Variants in LRRC51 observed in about 807,000 individuals in gnomAD.
LRRC51 encodes the protein leucine rich repeat containing 51.
A neutral mutation model predicts 17.8 loss-of-function variants in LRRC51; 8 were observed. The observed-to-expected ratio is 0.45, with a 90% CI of 0.26 to 0.81. The LOEUF (loss-of-function observed/expected upper bound fraction) is 0.81, where lower values mean the gene tolerates loss of function less well. LRRC51 is among the 30% of genes least tolerant of loss of function. The probability of loss-of-function intolerance (pLI) is 0.17; values close to 1 mark genes in which losing one functional copy is unlikely to be tolerated. For synonymous variants in LRRC51, 92 were observed against 96.0 expected (o/e 0.96, Z 0.24); for missense variants, 233 against 239.3 (o/e 0.97, Z 0.17).
At position 72,089,043 on chromosome 11, in the gene LRRC51, C is replaced by A. The variant is rs1422795841; in HGVS notation, c.-41C>A. The A allele has an allele frequency of 1.9e-6, 3 of 1,612,356 alleles. No individual in the cohort carries two copies. Among genetic ancestry groups the A allele is most frequent in the Non-Finnish European group, 1.7e-6 (2 of 1,179,824 alleles). On this transcript the variant is annotated 5_prime_UTR_variant, in exon 3 of 6. Transcript: ENST00000289488. ...TGTCCTCCCAGGCTGAACCCAGACT[C>A]CCAGGGCACCTGCTTGCACCTTTGA...
chr11:72,094,222 GT>G (rs112450115), intron 4 of LRRC51, among the ~76,000 whole-genome samples: 4 of 151,404 alleles, frequency 2.6e-5, no homozygotes, highest in African/African-American at 9.7e-5. Context: ...GGAGGCAGAG[GT>G]TGCAGTGAGC....
Position 72,095,508 on chromosome 11 carries a change from G to A in LRRC51, c.567G>A (p.Gln189=). ...NIKPKKAWTK[Q]NTL is the part of the protein sequence containing the mutation. Reference sequence around the variant, plus strand: ...AGCCCAAGAAGGCCTGGACCAAGCAGAATACACTTTGAGGCTCCCACGACC... The same window carrying A: ...AGCCCAAGAAGGCCTGGACCAAGCAAAATACACTTTGAGGCTCCCACGACC... The change falls in exon 6 of 6, where the codon CAG becomes CAA. Residue 189 remains glutamine, a synonymous_variant. Coordinates refer to ENST00000289488, the MANE Select transcript of LRRC51 (RefSeq NM_145309.6). The A allele has an allele frequency of 6.2e-7, 1 of 1,613,876 alleles. No individual in the cohort carries two copies. Among genetic ancestry groups the A allele is most frequent in the Non-Finnish European group, 8.5e-7 (1 of 1,179,900 alleles).
intron 4 of LRRC51, among the ~76,000 whole-genome samples, chr11:72,094,017 G>A (rs1445625570): frequency 1.3e-5 from 2 of 152,180 alleles, no homozygotes; most frequent in African/African-American, 4.8e-5. Flanking sequence ...GGGCACAGCG[G>A]CTCACGCCTG....
rs1225054830 is a variant in LRRC51 at position 72,096,769 on chromosome 11, AAGAAGATGGCCT to A, written c.*1251_*1262del. 23 of 1,470,338 alleles carry A rather than the reference AAGAAGATGGCCT, an allele frequency of 1.6e-5. No individual in the cohort carries two copies. Among genetic ancestry groups the A allele is most frequent in the Non-Finnish European group, 1.9e-5 (21 of 1,101,378 alleles). The allele number at this position is 1,470,338 out of a possible 1,614,324, so 91.1% of individuals were successfully genotyped here. A position where few individuals can be genotyped will look rare whatever the true frequency, so the allele number is the denominator to read the frequency against. On this transcript the variant is annotated 3_prime_UTR_variant, in exon 6 of 6. Transcript: ENST00000289488. Reference sequence around the variant, plus strand: ...GCCTCACAGGCCTCCATGACAGGCCAAGAAGATGGCCTATGATCTCTGAAACCAGCCCCCACT... The same window carrying A: ...GCCTCACAGGCCTCCATGACAGGCCAATGATCTCTGAAACCAGCCCCCACT...
At chr11:72,087,934 ATC>A (rs772660520) in intron 1 of LRRC51, among the ~76,000 whole-genome samples, 1 of 152,190 alleles carries the variant, frequency 6.6e-6, no homozygotes, top group Non-Finnish European at 1.5e-5. Context: ...TCTGCAAATC[ATC>A]TGTTTTATGA....
In LRRC51 at chr11:72,095,552, T is replaced by C; in HGVS notation, c.*32T>C. The stretch of plus-strand genomic sequence containing the variant: ...CACGACCCTAGTAGTCCTAAAGGCC[T>C]AAGCATAGACAGCATGGTTTGACAA... On this transcript the variant is annotated 3_prime_UTR_variant, in exon 6 of 6. Coordinates refer to ENST00000289488, the MANE Select transcript of LRRC51 (RefSeq NM_145309.6). 6.2e-7 allele frequency: 1 copy of C among 1,609,268 alleles called. No homozygotes were observed. The highest frequency in any genetic ancestry group is 1.7e-5 in the Admixed American group (1 of 59,152).
chr11:72,089,402 GT>G (rs747706206), intron 3 of LRRC51: 12 of 1,433,912 alleles, frequency 8.4e-6, no homozygotes, highest in African/African-American at 4.3e-5. Flanking sequence ...GCCCCTGTTT[GT>G]TTTTTTTAAG....
intron 1 of LRRC51, among the ~76,000 whole-genome samples, chr11:72,087,763 AATATTGATTAC>A (rs1440343871): frequency 6.6e-6 from 1 of 152,218 alleles, no homozygotes; most frequent in East Asian, 1.9e-4. Context: ...AGTAAGTTTT[AATATTGATTAC>A]ATATTGAATG....
Position 72,095,536 on chromosome 11 carries a change from A to G in LRRC51, c.*16A>G, listed in dbSNP as rs1437280078. 2.5e-6 allele frequency: 4 copies of G among 1,612,508 alleles called. No individual in the cohort carries two copies. Among genetic ancestry groups the G allele is most frequent in the Admixed American group, 3.4e-5 (2 of 59,670 alleles). The stretch of plus-strand genomic sequence containing the variant: ...TACACTTTGAGGCTCCCACGACCCT[A>G]GTAGTCCTAAAGGCCTAAGCATAGA... On this transcript the variant is annotated 3_prime_UTR_variant, in exon 6 of 6. Coordinates refer to ENST00000289488, the MANE Select transcript of LRRC51 (RefSeq NM_145309.6).
At chr11:72,091,774 C>A (rs993153428) in intron 3 of LRRC51, among the ~76,000 whole-genome samples, 1 of 152,022 alleles carries the variant, frequency 6.6e-6, no homozygotes, top group African/African-American at 2.4e-5. Flanking sequence ...TTGGTAGAGA[C>A]GGGGTTTCAT....
At chr11:72,090,500 T>C (rs1035840486) in intron 3 of LRRC51, among the ~76,000 whole-genome samples, 8 of 152,292 alleles carry the variant, frequency 5.3e-5, no homozygotes, top group South Asian at 2.1e-4. Flanking sequence ...TGTGTGTGTG[T>C]GCGTCATATG....
At chr11:72,089,359 C>A in intron 3 of LRRC51, 194 bp downstream of exon 3, 1 of 1,490,872 alleles carries the variant, frequency 6.7e-7, no homozygotes, top group Admixed American at 2.1e-5. Flanking sequence ...TGATTTTGCC[C>A]CGATACAGCC....
chr11:72,082,855 C>A (rs947218925), intron 1 of LRRC51, among the ~76,000 whole-genome samples: 6 of 151,976 alleles, frequency 3.9e-5, no homozygotes, highest in Non-Finnish European at 8.8e-5. Flanking sequence ...ACTCTCTACC[C>A]CACCCCCAAT....
chr11:72,086,251 A>C, intron 1 of LRRC51: 1 of 597,036 alleles, frequency 1.7e-6, no homozygotes, highest in Non-Finnish European at 3.0e-6. Context: ...TGTTACTTGG[A>C]ACTGGATGCA....
intron 1 of LRRC51, among the ~76,000 whole-genome samples, chr11:72,088,077 C>T (rs533276752): frequency 1.6e-4 from 25 of 152,268 alleles, no homozygotes; most frequent in Admixed American, 5.2e-4. Context: ...TGTCCTTATC[C>T]TTGTCAATTT....
intron 2 of LRRC51, 53 bp from the exon 3 acceptor site, chr11:72,088,976 G>A: frequency 6.3e-7 from 1 of 1,599,992 alleles, no homozygotes. Context: ...AGGACTATGG[G>A]GAAACCTGAA....
In LRRC51 at chr11:72,094,962, C is replaced by G. The variant is rs765172925; in HGVS notation, c.303C>G (p.Phe101Leu). ...CTCCCCAACAGGTCCTAACAACTTT[C>G]TTCAACCTGAGTGTCCTCTATCTTC... ...LTSIDPVLTTFFNLSVLYLHG... is the reference protein window; with the variant it reads ...LTSIDPVLTTLFNLSVLYLHG... The change falls in exon 5 of 6, where the codon TTC becomes TTG. Residue 101 changes from phenylalanine to leucine, a missense_variant. Coordinates refer to ENST00000289488, the MANE Select transcript of LRRC51 (RefSeq NM_145309.6). 12 of 1,613,962 alleles carry G rather than the reference C, an allele frequency of 7.4e-6. No homozygotes were observed. In the Admixed American group the frequency reaches 1.3e-4, roughly 18 times the overall value.
intron 3 of LRRC51, among the ~76,000 whole-genome samples, chr11:72,089,862 T>C (rs905487873): frequency 6.6e-6 from 1 of 152,262 alleles, no homozygotes; most frequent in Non-Finnish European, 1.5e-5. Flanking sequence ...ATAGGGAGGC[T>C]GTCAGCCATG....
At chr11:72,089,192 C>T in intron 3 of LRRC51, 27 bp downstream of exon 3, 4 of 1,614,136 alleles carry the variant, frequency 2.5e-6, no homozygotes, top group Non-Finnish European at 3.4e-6. Context: ...CAGTACTCCA[C>T]TCACTAAGGC....
Sources: allele counts gnomAD v4.1 joint callset (sites outside exome capture counted in the v4.1 genomes callset), GRCh38; gene constraint gnomAD v4.1.1; transcripts MANE v1.5; gene names NCBI Gene and HGNC (gene_info 2026-07-23, HGNC 2026-07-21).